CHLSN: variants seen among roughly 807,000 people sequenced by gnomAD.
CHLSN encodes the protein cholesin.
the CHLSN span, among the ~76,000 whole-genome samples, chr7:982,544 G>C: frequency 2.0e-5 from 3 of 152,274 alleles, no homozygotes; most frequent in Non-Finnish European, 4.4e-5. Flanking sequence ...TCCTAGCTCA[G>C]AGGGTTGCAT....
At chr7:1,061,006 C>T in the CHLSN span, among the ~76,000 whole-genome samples, 1 of 152,178 alleles carries the variant, frequency 6.6e-6, no homozygotes, top group Non-Finnish European at 1.5e-5. Flanking sequence ...CTCTTCCTGG[C>T]CGATACTTTC....
the CHLSN span, among the ~76,000 whole-genome samples, chr7:1,010,463 C>T: frequency 6.6e-6 from 1 of 152,248 alleles, no homozygotes; most frequent in African/African-American, 2.4e-5. Flanking sequence ...TGCCCCACCC[C>T]ACACAGTGTG....
the CHLSN span, among the ~76,000 whole-genome samples, chr7:1,002,984 T>G: frequency 9.2e-5 from 3 of 32,496 alleles, no homozygotes; most frequent in African/African-American, 1.4e-4. Flanking sequence ...TGTGGGTGAG[T>G]GGAGTCCTGT....
chr7:1,103,167 C>T, the CHLSN span, among the ~76,000 whole-genome samples: 20 of 152,174 alleles, frequency 1.3e-4, no homozygotes, highest in Admixed American at 8.5e-4. Context: ...TGTGGAACAT[C>T]GCAGGCCACA....
the CHLSN span, among the ~76,000 whole-genome samples, chr7:1,136,397 T>A: frequency 2.7e-4 from 30 of 109,764 alleles, 1 homozygote; most frequent in Non-Finnish European, 2.9e-4. Context: ...AACATATATA[T>A]AAATATATAT....
chr7:1,025,323 A>AG, the CHLSN span: 3,257 of 152,658 alleles, frequency 0.021, 47 homozygotes, highest in Non-Finnish European at 0.03. Context: ...AAGGATCCCA[A>AG]GTGGGGGGAG....
chr7:995,603 C>A, the CHLSN span, among the ~76,000 whole-genome samples: 1 of 152,258 alleles, frequency 6.6e-6, no homozygotes, highest in Non-Finnish European at 1.5e-5. Context: ...AGCATAGGGG[C>A]CACTGAGCAC....
At chr7:987,937 G>GC in the CHLSN span, among the ~76,000 whole-genome samples, 11 of 149,310 alleles carry the variant, frequency 7.4e-5, no homozygotes, top group African/African-American at 2.5e-4. Context: ...GTGTCCTGGG[G>GC]GGGTCCCCTG....
chr7:1,031,393 GGGGGGCAGAGACC>G, the CHLSN span, among the ~76,000 whole-genome samples: 1 of 148,276 alleles, frequency 6.7e-6, no homozygotes, highest in Admixed American at 6.7e-5. Flanking sequence ...GAGTGGTCCG[GGGGGGCAGAGACC>G]TGCAGGGAGG....
the CHLSN span, among the ~76,000 whole-genome samples, chr7:1,090,649 G>A: frequency 4.6e-5 from 7 of 152,310 alleles, no homozygotes; most frequent in East Asian, 1.9e-4. Context: ...CCCCACTGGC[G>A]GCAGAGCCCG....
At chr7:1,106,294 G>A in the CHLSN span, among the ~76,000 whole-genome samples, 1 of 152,206 alleles carries the variant, frequency 6.6e-6, no homozygotes, top group Non-Finnish European at 1.5e-5. Flanking sequence ...ACTCAAGGGT[G>A]TGTGTGTCTG....
At chr7:1,127,237 T>C in the CHLSN span, 31 of 1,584,386 alleles carry the variant, frequency 2.0e-5, no homozygotes, top group Non-Finnish European at 2.6e-5. Flanking sequence ...GCAGGGCCAG[T>C]GAAGCACAGG....
chr7:984,074 G>A, the CHLSN span, among the ~76,000 whole-genome samples: 1 of 152,226 alleles, frequency 6.6e-6, no homozygotes, highest in Non-Finnish European at 1.5e-5. Context: ...ACTCTGTGCA[G>A]ACTCTGGCCT....
At chr7:999,984 CGCACACACGT>C in the CHLSN span, among the ~76,000 whole-genome samples, 2 of 152,226 alleles carry the variant, frequency 1.3e-5, no homozygotes, top group Admixed American at 6.5e-5. Flanking sequence ...ACACATCACG[CGCACACACGT>C]GTAGACACAC....
At chr7:1,090,858 G>A in the CHLSN span, among the ~76,000 whole-genome samples, 7 of 152,140 alleles carry the variant, frequency 4.6e-5, no homozygotes, top group African/African-American at 9.7e-5. Flanking sequence ...TCTATATTAC[G>A]AAAATAAGTT....
the CHLSN span, chr7:1,010,281 C>A: frequency 2.8e-6 from 2 of 720,456 alleles, no homozygotes; most frequent in Non-Finnish European, 4.4e-6. Context: ...CTGGCCCCAG[C>A]CGACACCATC....
At chr7:1,135,946 T>A in the CHLSN span, among the ~76,000 whole-genome samples, 2 of 123,646 alleles carry the variant, frequency 1.6e-5, no homozygotes, top group African/African-American at 6.8e-5. Flanking sequence ...TAAGTATATA[T>A]AAATATATAT....
chr7:1,015,108 C>G, the CHLSN span, among the ~76,000 whole-genome samples: 10 of 152,366 alleles, frequency 6.6e-5, no homozygotes, highest in South Asian at 2.1e-3. Context: ...TCTCTCCAGC[C>G]TGGGAATGAC....
the CHLSN span, among the ~76,000 whole-genome samples, chr7:1,136,460 A>G: frequency 6.8e-5 from 8 of 117,468 alleles, no homozygotes; most frequent in Admixed American, 3.6e-4. Flanking sequence ...ATAAACATAT[A>G]TAAACATATA....
Sources: allele counts gnomAD v4.1 joint callset (sites outside exome capture counted in the v4.1 genomes callset), GRCh38; gene constraint gnomAD v4.1.1; transcripts MANE v1.5; gene names NCBI Gene and HGNC (gene_info 2026-07-23, HGNC 2026-07-21).